Variants in CYP2J2 observed in about 807,000 individuals in gnomAD.
CYP2J2 encodes the protein cytochrome P450 2J2.
Under a neutral mutation model 48.8 loss-of-function variants are expected in CYP2J2, and 41 were observed. That is an observed-to-expected ratio of 0.84 (90% confidence interval 0.66 to 1.09). The LOEUF is 1.09. CYP2J2 is among the 50% of genes least tolerant of loss of function. CYP2J2 has a pLI of 0.00. For missense variants in CYP2J2, 644 were observed against 617.3 expected (o/e 1.04, Z -0.46); for synonymous variants, 221 against 227.1 (o/e 0.97, Z 0.24).
chr1:59,910,959 G>A (rs1433669773), intron 4 of CYP2J2, among the ~76,000 whole-genome samples: 2 of 152,162 alleles, frequency 1.3e-5, no homozygotes, highest in East Asian at 3.8e-4. Flanking sequence ...TTAAGTGCTG[G>A]TGGGCAGGCA....
intron 8 of CYP2J2, among the ~76,000 whole-genome samples, chr1:59,898,777 A>C (rs1473661842): frequency 3.9e-5 from 6 of 152,198 alleles, no homozygotes; most frequent in Non-Finnish European, 8.8e-5. Flanking sequence ...AATTAAAAGG[A>C]GATACCTATC....
At chr1:59,950,908 G>C in the CYP2J2 span, among the ~76,000 whole-genome samples, 8 of 152,194 alleles carry the variant, frequency 5.3e-5, no homozygotes, top group African/African-American at 1.9e-4. Context: ...TGGCTTCCAA[G>C]AGGGTGAAAG....
chr1:59,942,280 T>C, the CYP2J2 span, among the ~76,000 whole-genome samples: 5 of 152,052 alleles, frequency 3.3e-5, no homozygotes, highest in Non-Finnish European at 7.4e-5. Flanking sequence ...GAATAGCAAT[T>C]TACCCCTGAA....
intron 8 of CYP2J2, among the ~76,000 whole-genome samples, chr1:59,898,193 C>T (rs11572318): frequency 1.7e-3 from 256 of 152,336 alleles, no homozygotes; most frequent in African/African-American, 5.8e-3. Context: ...GTAATATCCC[C>T]TCCCCTTAAA....
At chr1:59,930,844 G>A (rs1171587559), upstream of CYP2J2, among the ~76,000 whole-genome samples, 1 of 152,056 alleles carries the variant, frequency 6.6e-6, no homozygotes, top group Non-Finnish European at 1.5e-5. Context: ...TAGATTGAAA[G>A]AAAATGACCC....
intron 1 of CYP2J2, among the ~76,000 whole-genome samples, chr1:59,920,069 T>C (rs971886199): frequency 2.0e-5 from 3 of 151,928 alleles, no homozygotes; most frequent in African/African-American, 7.3e-5. Flanking sequence ...CATAAAGCTA[T>C]CGCAAGAAGA....
intron 2 of CYP2J2, chr1:59,913,096 G>A (rs1024750999): frequency 2.0e-5 from 3 of 152,084 alleles, no homozygotes; most frequent in Non-Finnish European, 4.4e-5. Context: ...TTTTGACCTC[G>A]TCTTACTTGC....
At chr1:59,930,270 G>A (rs1465854640), upstream of CYP2J2, among the ~76,000 whole-genome samples, 1 of 152,170 alleles carries the variant, frequency 6.6e-6, no homozygotes, top group East Asian at 1.9e-4. Context: ...TGTTCCCAGA[G>A]ACAGAGTTGC....
chr1:59,919,548 C>A (rs546154389), intron 1 of CYP2J2, among the ~76,000 whole-genome samples: 1 of 151,984 alleles, frequency 6.6e-6, no homozygotes, highest in South Asian at 2.1e-4. Context: ...TGTATTGTTG[C>A]CTTTACAGTC....
the CYP2J2 span, among the ~76,000 whole-genome samples, chr1:59,932,077 G>A: frequency 1.1e-4 from 17 of 152,074 alleles, no homozygotes; most frequent in Admixed American, 1.0e-3. Flanking sequence ...GTTTGCTTAG[G>A]ATTTATTTTT....
chr1:59,901,831 T>C (rs1197126520), intron 7 of CYP2J2, among the ~76,000 whole-genome samples: 1 of 152,184 alleles, frequency 6.6e-6, no homozygotes, highest in African/African-American at 2.4e-5. Context: ...CCCCAAATCC[T>C]GTCACCCCTT....
At chr1:59,954,803 G>T in the CYP2J2 span, among the ~76,000 whole-genome samples, 1 of 152,018 alleles carries the variant, frequency 6.6e-6, no homozygotes, top group African/African-American at 2.4e-5. Context: ...GTGAAGCTGG[G>T]TTACATTTAG....
At chr1:59,898,797 C>A (rs1360587773) in intron 8 of CYP2J2, among the ~76,000 whole-genome samples, 2 of 152,108 alleles carry the variant, frequency 1.3e-5, no homozygotes, top group Non-Finnish European at 2.9e-5. Flanking sequence ...CCATTTCCTG[C>A]CTAACTATTA....
chr1:59,960,655 C>G, the CYP2J2 span, among the ~76,000 whole-genome samples: 1 of 152,104 alleles, frequency 6.6e-6, no homozygotes, highest in Non-Finnish European at 1.5e-5. Flanking sequence ...CTAGCCTGGC[C>G]AACTTGGTGA....
chr1:59,932,336 G>GT, the CYP2J2 span, among the ~76,000 whole-genome samples: 2 of 152,038 alleles, frequency 1.3e-5, no homozygotes, highest in African/African-American at 2.4e-5. Context: ...AACTCTGAAA[G>GT]TTTTTTTCTA....
the CYP2J2 span, among the ~76,000 whole-genome samples, chr1:59,942,435 GC>G: frequency 1.3e-5 from 2 of 152,128 alleles, no homozygotes; most frequent in Non-Finnish European, 1.5e-5. Flanking sequence ...CTGTGGCGGG[GC>G]AGAGTGTGTG....
the CYP2J2 span, among the ~76,000 whole-genome samples, chr1:59,936,645 C>T: frequency 6.6e-6 from 1 of 152,024 alleles, no homozygotes; most frequent in Non-Finnish European, 1.5e-5. Flanking sequence ...ATTTTTGTAC[C>T]TTGCTCTATG....
intron 1 of CYP2J2, among the ~76,000 whole-genome samples, chr1:59,921,793 T>C (rs907732395): frequency 3.9e-5 from 6 of 152,124 alleles, no homozygotes; most frequent in Non-Finnish European, 8.8e-5. Flanking sequence ...TGCTGATTAA[T>C]ATCTTGCTAA....
At chr1:59,942,748 A>T in the CYP2J2 span, among the ~76,000 whole-genome samples, 1 of 152,156 alleles carries the variant, frequency 6.6e-6, no homozygotes, top group Non-Finnish European at 1.5e-5. Flanking sequence ...AGAAAAGCAG[A>T]TGGAATTCAA....
Sources: gnomAD v4.1 joint callset for allele counts (sites outside exome capture counted in the v4.1 genomes callset) on GRCh38, gnomAD v4.1.1 for gene constraint, MANE v1.5 for transcripts, NCBI Gene and HGNC (gene_info 2026-07-23, HGNC 2026-07-21) for gene names.